Variants in CDH13 observed in about 807,000 individuals in gnomAD.
CDH13 encodes the protein cadherin-13.
Under a neutral mutation model 63.8 loss-of-function variants are expected in CDH13, and 24 were observed. The ratio of observed to expected loss-of-function variants is 0.38; its 90% CI spans 0.27 to 0.53. CDH13 has a LOEUF of 0.53. CDH13 is among the 20% of genes least tolerant of loss of function. The pLI is 0.85. For missense variants in CDH13, 1,049 were observed against 903.1 expected (o/e 1.16, Z -2.07); for synonymous variants, 503 against 355.3 (o/e 1.42, Z -4.67).
At chr16:83,554,576 G>T (rs922045281) in intron 7 of CDH13, among the ~76,000 whole-genome samples, 1 of 151,948 alleles carries the variant, frequency 6.6e-6, no homozygotes, top group Non-Finnish European at 1.5e-5. Flanking sequence ...GCTGAGGAGG[G>T]TTATGAAGAG....
At chr16:82,947,663 A>G (rs1469058053) in intron 2 of CDH13, among the ~76,000 whole-genome samples, 1 of 152,204 alleles carries the variant, frequency 6.6e-6, no homozygotes, top group Non-Finnish European at 1.5e-5. Flanking sequence ...ATCAAAAGCC[A>G]TAACTAGATA....
At chr16:82,892,741 T>A (rs1041512183) in intron 2 of CDH13, among the ~76,000 whole-genome samples, 1 of 152,238 alleles carries the variant, frequency 6.6e-6, no homozygotes, top group Non-Finnish European at 1.5e-5. Flanking sequence ...TCTTCTTTTT[T>A]TTTCATGTAA....
At chr16:82,754,492 A>G (rs965926846) in intron 1 of CDH13, among the ~76,000 whole-genome samples, 4 of 152,166 alleles carry the variant, frequency 2.6e-5, no homozygotes, top group Non-Finnish European at 5.9e-5. Context: ...AAAAGGGGTC[A>G]CTGTTTGTAG....
At chr16:83,539,372 C>G (rs1230827096) in intron 7 of CDH13, among the ~76,000 whole-genome samples, 1 of 152,192 alleles carries the variant, frequency 6.6e-6, no homozygotes, top group South Asian at 2.1e-4. Flanking sequence ...CATGCTCACT[C>G]ACTTGCCACT....
chr16:83,167,360 G>C (rs1024697539), intron 4 of CDH13, among the ~76,000 whole-genome samples: 1 of 151,898 alleles, frequency 6.6e-6, no homozygotes, highest in African/African-American at 2.4e-5. Flanking sequence ...AGCTGGGCAT[G>C]CTGGTGCATA....
Position 83,610,027 on chromosome 16 carries a change from C to A in CDH13, c.1101+7433C>A, listed in dbSNP as rs149575011. Among the ~76,000 whole-genome samples the A allele has an allele frequency of 3.4e-3, 512 of 152,228 alleles. 1 individual carries two copies. Among genetic ancestry groups the A allele is most frequent in the African/African-American group, 0.012 (483 of 41,532 alleles). On this transcript the variant is annotated intron_variant, in intron 8 of 13. Coordinates refer to ENST00000567109, the MANE Select transcript of CDH13 (RefSeq NM_001257.5). ...TTAGCATTATGTCTTCATGGTCTGC[C>A]CATGTTTTAGTGTGTCTTAGTACTT...
At chr16:82,917,950 G>C (rs2042042299) in intron 2 of CDH13, among the ~76,000 whole-genome samples, 1 of 148,546 alleles carries the variant, frequency 6.7e-6, no homozygotes, top group Non-Finnish European at 1.5e-5. Context: ...AAAGTAAATG[G>C]ATGCACATGT....
intron 2 of CDH13, among the ~76,000 whole-genome samples, chr16:83,009,060 A>G (rs1379151703): frequency 6.6e-6 from 1 of 152,204 alleles, no homozygotes; most frequent in Non-Finnish European, 1.5e-5. Flanking sequence ...CCATTATTCA[A>G]TTCCACCCCC....
At chr16:83,046,964 G>C (rs867766842) in intron 3 of CDH13, among the ~76,000 whole-genome samples, 1 of 152,156 alleles carries the variant, frequency 6.6e-6, no homozygotes, top group Non-Finnish European at 1.5e-5. Context: ...CTGCCTCCCA[G>C]CTGTTTATGG....
At chr16:83,146,007 A>C (rs2036730611) in intron 4 of CDH13, among the ~76,000 whole-genome samples, 1 of 152,132 alleles carries the variant, frequency 6.6e-6, no homozygotes, top group Non-Finnish European at 1.5e-5. Context: ...CAACCTGGCC[A>C]ACTTGGTGAA....
intron 2 of CDH13, among the ~76,000 whole-genome samples, chr16:82,984,951 C>T (rs1308267478): frequency 6.6e-6 from 1 of 152,152 alleles, no homozygotes; most frequent in Non-Finnish European, 1.5e-5. Context: ...TCCTACTTAG[C>T]TGCTTGCAAA....
At chr16:83,528,736 A>G (rs907818540) in intron 7 of CDH13, among the ~76,000 whole-genome samples, 2 of 152,220 alleles carry the variant, frequency 1.3e-5, no homozygotes, top group African/African-American at 4.8e-5. Context: ...GCACTGAAAA[A>G]GAGTTATCAT....
intron 2 of CDH13, among the ~76,000 whole-genome samples, chr16:82,958,856 C>T (rs1567695194): frequency 6.6e-6 from 1 of 152,268 alleles, no homozygotes; most frequent in Non-Finnish European, 1.5e-5. Flanking sequence ...TGGGTGAGTA[C>T]TCAGCCTGAG....
intron 1 of CDH13, among the ~76,000 whole-genome samples, chr16:82,783,903 G>T (rs1342926825): frequency 6.6e-6 from 1 of 151,980 alleles, no homozygotes; most frequent in Non-Finnish European, 1.5e-5. Flanking sequence ...GAAAGAAACG[G>T]ATATAATTAG....
intron 2 of CDH13, among the ~76,000 whole-genome samples, chr16:82,870,532 G>A (rs1032970151): frequency 1.3e-5 from 2 of 152,002 alleles, no homozygotes; most frequent in African/African-American, 4.8e-5. Context: ...TGGTTAATGG[G>A]TACACAAATA....
intron 4 of CDH13, among the ~76,000 whole-genome samples, chr16:83,185,186 C>A (rs146735307): frequency 6.6e-6 from 1 of 152,224 alleles, no homozygotes; most frequent in African/African-American, 2.4e-5. Flanking sequence ...GCCTGGCTTC[C>A]AAGTCTGTGC....
chr16:82,853,920 A>T (rs772716650), intron 1 of CDH13, among the ~76,000 whole-genome samples: 3 of 152,222 alleles, frequency 2.0e-5, no homozygotes, highest in Non-Finnish European at 4.4e-5. Flanking sequence ...TGCATGTGAC[A>T]TCTCATAATA....
At chr16:83,393,905 A>T (rs543727895) in intron 6 of CDH13, among the ~76,000 whole-genome samples, 16 of 152,188 alleles carry the variant, frequency 1.1e-4, no homozygotes, top group Non-Finnish European at 2.1e-4. Context: ...AACATAGAAT[A>T]CTATGCAGCC....
At chr16:82,925,709 C>T (rs2042283131) in intron 2 of CDH13, among the ~76,000 whole-genome samples, 1 of 152,162 alleles carries the variant, frequency 6.6e-6, no homozygotes, top group South Asian at 2.1e-4. Flanking sequence ...AGAAATGGCC[C>T]ACAGCCCATG....
Sources: allele counts gnomAD v4.1 joint callset (sites outside exome capture counted in the v4.1 genomes callset), GRCh38; gene constraint gnomAD v4.1.1; transcripts MANE v1.5; gene names NCBI Gene and HGNC (gene_info 2026-07-23, HGNC 2026-07-21).